RBFOX1: variants seen among roughly 807,000 people sequenced by gnomAD.
RBFOX1 encodes RNA binding protein fox-1 homolog 1.
Under a neutral mutation model 57.7 loss-of-function variants are expected in RBFOX1, and 8 were observed. The observed-to-expected ratio is 0.14, with a 90% CI of 0.08 to 0.25. The LOEUF (loss-of-function observed/expected upper bound fraction) is 0.25. Among genes scored for constraint, RBFOX1 ranks in the 10% least tolerant of loss-of-function variants. RBFOX1 has a pLI of 1.00. For missense variants in RBFOX1, 611 were observed against 548.5 expected (o/e 1.11, Z -1.14); for synonymous variants, 326 against 222.4 (o/e 1.47, Z -4.15).
chr16:7,358,231 A>C (rs2097254854), intron 4 of RBFOX1, among the ~76,000 whole-genome samples: 1 of 152,268 alleles, frequency 6.6e-6, no homozygotes, highest in Non-Finnish European at 1.5e-5. Context: ...TACATAACCA[A>C]GTCAGCCTCT....
At chr16:7,217,030 TCCCTC>T (rs1229075834) in intron 4 of RBFOX1, among the ~76,000 whole-genome samples, 8,779 of 47,196 alleles carry the variant, frequency 0.19, 653 homozygotes, top group East Asian at 0.25. Context: ...CCTCCCTCCC[TCCCTC>T]CCTCCCTCCC....
intron 4 of RBFOX1, among the ~76,000 whole-genome samples, chr16:7,118,034 G>C (rs1454424432): frequency 5.3e-5 from 8 of 152,188 alleles, no homozygotes; most frequent in Admixed American, 5.2e-4. Flanking sequence ...GCTGCATTAA[G>C]CATGCACATG....
At chr16:5,301,217 C>A (rs1031542089) in intron 1 of RBFOX1, among the ~76,000 whole-genome samples, 1 of 152,158 alleles carries the variant, frequency 6.6e-6, no homozygotes, top group Non-Finnish European at 1.5e-5. Flanking sequence ...CCAGCTACCA[C>A]CATGGAGAGG....
At chr16:7,649,506 T>TA (rs2064489641) in intron 11 of RBFOX1, among the ~76,000 whole-genome samples, 1 of 151,942 alleles carries the variant, frequency 6.6e-6, no homozygotes. Context: ...AGCCTTCACT[T>TA]ACGATGGAGT....
chr16:5,640,191 C>T (rs2048812539), intron 3 of RBFOX1, among the ~76,000 whole-genome samples: 1 of 152,296 alleles, frequency 6.6e-6, no homozygotes, highest in African/African-American at 2.4e-5. Flanking sequence ...CAGCATTGCT[C>T]TCTGGAGGAC....
intron 1 of RBFOX1, among the ~76,000 whole-genome samples, chr16:5,385,172 C>G (rs1329271245): frequency 1.3e-5 from 2 of 152,140 alleles, no homozygotes; most frequent in Admixed American, 1.3e-4. Context: ...TGCTTTTTTT[C>G]TCATTCAGTT....
intron 2 of RBFOX1, among the ~76,000 whole-genome samples, chr16:6,494,573 A>G (rs2095713486): frequency 1.3e-5 from 2 of 152,208 alleles, no homozygotes; most frequent in Non-Finnish European, 1.5e-5. Context: ...ACCACAGCTT[A>G]ACCATTCACC....
At chr16:5,952,445 C>T (rs1036612324) in intron 4 of RBFOX1, among the ~76,000 whole-genome samples, 1 of 152,074 alleles carries the variant, frequency 6.6e-6, no homozygotes, top group African/African-American at 2.4e-5. Flanking sequence ...GCCACCATGC[C>T]CAGCTAATTT....
intron 3 of RBFOX1, among the ~76,000 whole-genome samples, chr16:6,786,248 A>G (rs943777779): frequency 4.6e-5 from 7 of 152,132 alleles, no homozygotes; most frequent in East Asian, 1.9e-4. Context: ...CCTCACAAGT[A>G]TGGGCCTGGC....
chr16:7,232,418 A>G (rs989691836), intron 4 of RBFOX1, among the ~76,000 whole-genome samples: 1 of 152,214 alleles, frequency 6.6e-6, no homozygotes, highest in Admixed American at 6.5e-5. Context: ...AAACAAGTGA[A>G]TATTTATAGG....
At chr16:5,416,254 C>G (rs513239) in intron 1 of RBFOX1, among the ~76,000 whole-genome samples, 1 of 152,238 alleles carries the variant, frequency 6.6e-6, no homozygotes, top group Admixed American at 6.5e-5. Context: ...CATTTGTCTA[C>G]GGTCACACAT....
chr16:7,254,577 A>G (rs2094605844), intron 4 of RBFOX1, among the ~76,000 whole-genome samples: 1 of 152,008 alleles, frequency 6.6e-6, no homozygotes, highest in South Asian at 2.1e-4. Flanking sequence ...ATTGTGTTCC[A>G]AAGGACCTCC....
chr16:7,344,613 C>G (rs933411757), intron 4 of RBFOX1, among the ~76,000 whole-genome samples: 8 of 151,784 alleles, frequency 5.3e-5, no homozygotes, highest in East Asian at 1.9e-4. Flanking sequence ...TCTACTCTTG[C>G]TACTATGACA....
intron 4 of RBFOX1, among the ~76,000 whole-genome samples, chr16:7,313,446 C>CT (rs1029369350): frequency 6.9e-6 from 1 of 145,160 alleles, no homozygotes; most frequent in African/African-American, 2.5e-5. Context: ...TTTCTTTCTT[C>CT]TTTTTTATCT....
intron 3 of RBFOX1, among the ~76,000 whole-genome samples, chr16:6,984,293 G>A (rs979556839): frequency 1.3e-5 from 2 of 152,104 alleles, no homozygotes; most frequent in Non-Finnish European, 2.9e-5. Flanking sequence ...CTACCTGTGT[G>A]ACCTAGAGAA....
intron 4 of RBFOX1, among the ~76,000 whole-genome samples, chr16:7,270,789 T>C (rs554124507): frequency 6.6e-6 from 1 of 151,144 alleles, no homozygotes; most frequent in Non-Finnish European, 1.5e-5. Flanking sequence ...GCTAGCTCTC[T>C]TCTTCCTTCC....
intron 1 of RBFOX1, among the ~76,000 whole-genome samples, chr16:6,229,934 A>C (rs968567962): frequency 6.6e-6 from 1 of 152,140 alleles, no homozygotes; most frequent in Non-Finnish European, 1.5e-5. Flanking sequence ...CTCATCCCTT[A>C]TTTTAAAGGA....
intron 4 of RBFOX1, among the ~76,000 whole-genome samples, chr16:7,121,861 C>G (rs1256027040): frequency 6.6e-6 from 1 of 151,758 alleles, no homozygotes; most frequent in African/African-American, 2.4e-5. Flanking sequence ...AATAGAGACT[C>G]CAGAAATAGA....
At chr16:7,231,961 G>A (rs972669033) in intron 4 of RBFOX1, among the ~76,000 whole-genome samples, 13 of 152,184 alleles carry the variant, frequency 8.5e-5, no homozygotes, top group African/African-American at 1.9e-4. Flanking sequence ...GAATGATGAC[G>A]TATTTTGGAA....
Sources: gnomAD v4.1 joint callset for allele counts (sites outside exome capture counted in the v4.1 genomes callset) on GRCh38, gnomAD v4.1.1 for gene constraint, MANE v1.5 for transcripts, NCBI Gene and HGNC (gene_info 2026-07-23, HGNC 2026-07-21) for gene names.